Variants in AATF observed in about 807,000 individuals in gnomAD.
The protein encoded by AATF is protein AATF.
AATF carries 48 observed loss-of-function variants against 63.7 expected under a neutral mutation model. The ratio of observed to expected loss-of-function variants is 0.75; its 90% confidence interval spans 0.60 to 0.96. The LOEUF is 0.96. AATF is among the 40% of genes least tolerant of loss of function. AATF has a pLI of 0.00. For synonymous variants in AATF, 258 were observed against 247.7 expected (o/e 1.04, Z -0.39); for missense variants, 639 against 685.7 (o/e 0.93, Z 0.76).
At chr17:37,020,897 T>C in intron 9 of AATF, 37 bp from the exon 10 acceptor site, 1 of 1,514,032 alleles carries the variant, frequency 6.6e-7, no homozygotes. Flanking sequence ...CTATTTCTGT[T>C]AGTGATGATG....
intron 8 of AATF, among the ~76,000 whole-genome samples, chr17:37,009,861 T>G (rs896187445): frequency 4.7e-5 from 7 of 147,716 alleles, no homozygotes; most frequent in South Asian, 2.1e-4. Context: ...CCATGCAGAT[T>G]TGTTGAATAG....
At chr17:37,022,929 C>G (rs2071484094) in intron 10 of AATF, among the ~76,000 whole-genome samples, 1 of 152,124 alleles carries the variant, frequency 6.6e-6, no homozygotes, top group Non-Finnish European at 1.5e-5. Context: ...ACCTGTCTCC[C>G]CCCAGCCCCC....
intron 4 of AATF, among the ~76,000 whole-genome samples, chr17:36,954,205 C>A (rs1219404042): frequency 6.6e-6 from 1 of 151,746 alleles, no homozygotes; most frequent in African/African-American, 2.4e-5. Flanking sequence ...CCACCTTAGC[C>A]TTCCGAGTAG....
intron 4 of AATF, among the ~76,000 whole-genome samples, chr17:36,959,741 C>T (rs977503799): frequency 1.4e-4 from 22 of 152,022 alleles, no homozygotes; most frequent in African/African-American, 5.1e-4. Context: ...CATTACAGGT[C>T]TAAAATGCAA....
chr17:37,003,108 C>A (rs887023289), intron 8 of AATF, among the ~76,000 whole-genome samples: 1 of 152,090 alleles, frequency 6.6e-6, no homozygotes, highest in Non-Finnish European at 1.5e-5. Flanking sequence ...GCATATAGAT[C>A]AATGGAATAT....
chr17:37,053,696 G>A (rs556860693), intron 11 of AATF, among the ~76,000 whole-genome samples: 5 of 152,164 alleles, frequency 3.3e-5, no homozygotes, highest in South Asian at 2.1e-4. Flanking sequence ...GTAAAACCCC[G>A]TCTCTACTAA....
chr17:37,026,791 C>A (rs1189698161), intron 10 of AATF, among the ~76,000 whole-genome samples: 3 of 152,126 alleles, frequency 2.0e-5, no homozygotes, highest in Non-Finnish European at 1.5e-5. Flanking sequence ...CAGGACCAAC[C>A]CTATACAGGC....
At chr17:37,024,004 T>C (rs1373364526) in intron 10 of AATF, among the ~76,000 whole-genome samples, 2 of 152,226 alleles carry the variant, frequency 1.3e-5, no homozygotes, top group African/African-American at 4.8e-5. Context: ...TAAATAATTA[T>C]TACACTACAC....
chr17:37,021,602 C>T (rs1967038), intron 10 of AATF, among the ~76,000 whole-genome samples: 1 of 151,882 alleles, frequency 6.6e-6, no homozygotes, highest in African/African-American at 2.4e-5. Context: ...GCACTCCAGC[C>T]TGAGTGACAG....
At chr17:37,001,270 T>C (rs925169169) in intron 8 of AATF, among the ~76,000 whole-genome samples, 3 of 150,860 alleles carry the variant, frequency 2.0e-5, no homozygotes, top group African/African-American at 7.3e-5. Context: ...CAGTGAACTG[T>C]GACTGTGGCA....
intron 8 of AATF, among the ~76,000 whole-genome samples, chr17:37,000,799 A>G (rs2071288296): frequency 6.6e-6 from 1 of 152,184 alleles, no homozygotes; most frequent in Non-Finnish European, 1.5e-5. Context: ...CAGTGATGTA[A>G]GAGAGAATAA....
chr17:37,050,681 C>T (rs1448354030), intron 11 of AATF, among the ~76,000 whole-genome samples: 1 of 152,156 alleles, frequency 6.6e-6, no homozygotes, highest in Non-Finnish European at 1.5e-5. Context: ...ATGATTGGAA[C>T]CCTTTGTCCG....
chr17:37,031,199 G>C (rs1212982501), intron 10 of AATF, among the ~76,000 whole-genome samples: 1 of 152,088 alleles, frequency 6.6e-6, no homozygotes, highest in African/African-American at 2.4e-5. Flanking sequence ...CTGTACCTGT[G>C]AACAAGTGCA....
intron 4 of AATF, among the ~76,000 whole-genome samples, chr17:36,968,243 T>G (rs2142220988): frequency 7.0e-6 from 1 of 143,432 alleles, no homozygotes; most frequent in African/African-American, 2.7e-5. Context: ...ATTTTTTTCT[T>G]TTTTCTTTTT....
At chr17:37,020,629 T>C (rs873950) in intron 9 of AATF, among the ~76,000 whole-genome samples, 42,492 of 152,082 alleles carry the variant, frequency 0.28, 8,707 homozygotes, top group African/African-American at 0.59. Flanking sequence ...AAAACCCAAG[T>C]AGCTCTACTA....
chr17:37,014,292 T>TAATAATAATAATAATAATAATAATAATAA (rs547730359), intron 8 of AATF, among the ~76,000 whole-genome samples: 5 of 150,512 alleles, frequency 3.3e-5, no homozygotes, highest in African/African-American at 9.8e-5. Context: ...ATAATAATAA[T>TAATAATAATAATAATAATAATAATAATAA]AATAATAATA....
intron 9 of AATF, among the ~76,000 whole-genome samples, chr17:37,019,953 T>G (rs1224949422): frequency 6.6e-6 from 1 of 152,198 alleles, no homozygotes; most frequent in Admixed American, 6.5e-5. Flanking sequence ...TAAAATAGAT[T>G]ATGGTAATTA....
At chr17:36,983,779 G>A (rs1387335457) in intron 4 of AATF, among the ~76,000 whole-genome samples, 1 of 152,110 alleles carries the variant, frequency 6.6e-6, no homozygotes, top group African/African-American at 2.4e-5. Flanking sequence ...AGATTATAAA[G>A]GATTACAGAA....
chr17:37,019,940 CAATAA>C (rs1274994470), intron 9 of AATF, among the ~76,000 whole-genome samples: 1 of 151,652 alleles, frequency 6.6e-6, no homozygotes, highest in Non-Finnish European at 1.5e-5. Context: ...TCTGACTTTA[CAATAA>C]AATAGATTAT....
Sources: gnomAD v4.1 joint callset for allele counts (sites outside exome capture counted in the v4.1 genomes callset) on GRCh38, gnomAD v4.1.1 for gene constraint, MANE v1.5 for transcripts, NCBI Gene and HGNC (gene_info 2026-07-23, HGNC 2026-07-21) for gene names.